The following INPP4B variants were observed in gnomAD, a reference collection of about 807,000 sequenced individuals.
INPP4B encodes inositol polyphosphate 4-phosphatase type II.
A neutral mutation model predicts 122.5 loss-of-function variants in INPP4B; 55 were observed. That is an observed-to-expected ratio of 0.45 (90% CI 0.36 to 0.56). The LOEUF (loss-of-function observed/expected upper bound fraction) is 0.56, where lower values mean the gene tolerates loss of function less well. INPP4B is among the 20% of genes least tolerant of loss of function. The pLI is 0.00. For missense variants in INPP4B, 1,000 were observed against 1,097.7 expected, an observed-to-expected ratio of 0.91 and a Z score of 1.26; for synonymous variants, 403 against 388.7, an observed-to-expected ratio of 1.04 and a Z score of -0.43.
chr4:142,703,230 T>C (rs1377585525), intron 2 of INPP4B, among the ~76,000 whole-genome samples: 1 of 152,220 alleles, frequency 6.6e-6, no homozygotes, highest in Non-Finnish European at 1.5e-5. Context: ...CTTGTTGTAT[T>C]GGCCCTTCCA....
chr4:142,648,791 A>T (rs1237336776), intron 2 of INPP4B, among the ~76,000 whole-genome samples: 2 of 152,212 alleles, frequency 1.3e-5, no homozygotes, highest in Non-Finnish European at 2.9e-5. Flanking sequence ...TTTTGTTCAT[A>T]GTTGAACAAA....
At chr4:142,185,196 G>A (rs1242627085) in intron 15 of INPP4B, among the ~76,000 whole-genome samples, 1 of 152,022 alleles carries the variant, frequency 6.6e-6, no homozygotes, top group Non-Finnish European at 1.5e-5. Flanking sequence ...AGTTGTCAAG[G>A]ATTTTCAGGT....
chr4:142,652,056 C>G (rs1382076751), intron 2 of INPP4B, among the ~76,000 whole-genome samples: 2 of 152,192 alleles, frequency 1.3e-5, no homozygotes, highest in Non-Finnish European at 2.9e-5. Flanking sequence ...GTATCCTAGG[C>G]TGGTTCAACA....
intron 7 of INPP4B, among the ~76,000 whole-genome samples, chr4:142,365,052 A>G (rs1211723171): frequency 1.3e-5 from 2 of 152,116 alleles, no homozygotes; most frequent in East Asian, 1.9e-4. Flanking sequence ...CAACTTCCCC[A>G]TGGATCAAGG....
intron 2 of INPP4B, among the ~76,000 whole-genome samples, chr4:142,694,995 A>G (rs13114437): frequency 0.081 from 12,330 of 152,040 alleles, 530 homozygotes; most frequent in South Asian, 0.13. Flanking sequence ...TGGTGGGGGT[A>G]GGGGTATTAT....
chr4:142,844,076 T>C (rs1370454151), intron 1 of INPP4B, among the ~76,000 whole-genome samples: 1 of 152,196 alleles, frequency 6.6e-6, no homozygotes, highest in African/African-American at 2.4e-5. Context: ...AAAAATCTTA[T>C]GAGACATGAA....
chr4:142,349,226 G>T (rs1459358539), intron 7 of INPP4B, among the ~76,000 whole-genome samples: 2 of 151,986 alleles, frequency 1.3e-5, no homozygotes, highest in Non-Finnish European at 1.5e-5. Flanking sequence ...ATAGGTCATT[G>T]TCAGCATACT....
rs1762755724 is a variant in INPP4B, at chr4:142,064,921, C to G, written c.2642+17110G>C. Among the ~76,000 whole-genome samples the G allele has an allele frequency of 2.0e-5, 3 of 152,088 alleles. No homozygotes were observed. In the South Asian group the frequency reaches 6.2e-4, roughly 32 times the overall value. ...CAATTTTCTCAAATAGTTGAGAAAA[C>G]AGACATCATTTTGAAAACACACAAA... On this transcript the variant is annotated intron_variant, in intron 25 of 25. Transcript: ENST00000262992.
chr4:142,071,583 C>T (rs1190804238), intron 25 of INPP4B, among the ~76,000 whole-genome samples: 1 of 152,108 alleles, frequency 6.6e-6, no homozygotes, highest in African/African-American at 2.4e-5. Flanking sequence ...TTACAATCTA[C>T]CCATCTGACA....
intron 15 of INPP4B, among the ~76,000 whole-genome samples, chr4:142,189,699 A>G (rs542618515): frequency 2.0e-5 from 3 of 152,180 alleles, no homozygotes; most frequent in Non-Finnish European, 4.4e-5. Flanking sequence ...AGAACGAGGA[A>G]AAAGGAAAAG....
At chr4:142,700,384 T>A (rs1446803393) in intron 2 of INPP4B, among the ~76,000 whole-genome samples, 1 of 152,232 alleles carries the variant, frequency 6.6e-6, no homozygotes, top group Non-Finnish European at 1.5e-5. Flanking sequence ...CAGTACTGAG[T>A]TGAATATGGT....
chr4:142,795,849 A>G (rs1777171768), intron 1 of INPP4B, among the ~76,000 whole-genome samples: 1 of 151,964 alleles, frequency 6.6e-6, no homozygotes, highest in African/African-American at 2.4e-5. Flanking sequence ...TACCTTTAAA[A>G]TCTTTTATAT....
In INPP4B at chr4:142,259,699, C is replaced by T. The variant is rs1738711807; in HGVS notation, c.688+793G>A. Among the ~76,000 whole-genome samples, 5 of 151,960 alleles carry T rather than the reference C, an allele frequency of 3.3e-5. No individual in the cohort carries two copies. The South Asian group carries it at 1.0e-3, about 32-fold the overall frequency. On this transcript the variant is annotated intron_variant, in intron 11 of 25. Transcript: ENST00000262992. The stretch of plus-strand genomic sequence containing the variant: ...CACTTTTAAAACATTTAGCTGAAAA[C>T]ACAAATACATTGTACAGCTATACAA...
intron 2 of INPP4B, among the ~76,000 whole-genome samples, chr4:142,643,542 A>G (rs995456623): frequency 1.3e-5 from 2 of 152,138 alleles, no homozygotes; most frequent in African/African-American, 4.8e-5. Context: ...ACTTTGATAA[A>G]TCATTGAGGA....
chr4:142,513,574 G>A (rs1825027391), intron 2 of INPP4B, among the ~76,000 whole-genome samples: 1 of 152,072 alleles, frequency 6.6e-6, no homozygotes, highest in Admixed American at 6.5e-5. Flanking sequence ...TTCCCAGCTA[G>A]TTTTTGTATT....
intron 2 of INPP4B, among the ~76,000 whole-genome samples, chr4:142,480,371 G>T (rs1820361066): frequency 6.6e-6 from 1 of 152,108 alleles, no homozygotes; most frequent in Non-Finnish European, 1.5e-5. Context: ...CAGAAACTCA[G>T]CCTGAGAGAG....
At position 142,652,839 on chromosome 4, in the gene INPP4B, C is replaced by A. The variant is rs561482266; in HGVS notation, c.-191+73000G>T. Reference sequence around the variant, plus strand: ...TCCCCATCAAGCTACCAATGACTTTCTTCACAGAATTGGAAAAAACTATTT... The same window carrying A: ...TCCCCATCAAGCTACCAATGACTTTATTCACAGAATTGGAAAAAACTATTT... On this transcript the variant is annotated intron_variant, in intron 2 of 25. Transcript: ENST00000262992. Among the ~76,000 whole-genome samples, 3 of 152,264 alleles carry A rather than the reference C, an allele frequency of 2.0e-5. No individual in the cohort carries two copies. The South Asian group carries it at 6.2e-4, about 32-fold the overall frequency.
intron 13 of INPP4B, 52 bp from the exon 14 acceptor site, chr4:142,208,581 T>C: frequency 1.0e-6 from 1 of 987,022 alleles, no homozygotes; most frequent in South Asian, 1.6e-5. Context: ...TAAATTAATA[T>C]GTGTGTTAAA....
chr4:142,064,491 T>C (rs1187563831), intron 25 of INPP4B, among the ~76,000 whole-genome samples: 2 of 152,170 alleles, frequency 1.3e-5, no homozygotes, highest in East Asian at 3.8e-4. Flanking sequence ...CTTGAACATA[T>C]GCATATGAGA....
Sources: allele counts gnomAD v4.1 joint callset (sites outside exome capture counted in the v4.1 genomes callset), GRCh38; gene constraint gnomAD v4.1.1; transcripts MANE v1.5; gene names NCBI Gene and HGNC (gene_info 2026-07-23, HGNC 2026-07-21).